Variants in CFAP45 observed in about 807,000 individuals in gnomAD.
The protein encoded by CFAP45 is cilia- and flagella-associated protein 45.
CFAP45 carries 43 observed loss-of-function variants against 75.6 expected under a neutral mutation model. That is an observed-to-expected ratio of 0.57 (90% CI 0.45 to 0.73). The LOEUF is 0.73. CFAP45 is among the 30% of genes least tolerant of loss of function. The probability of loss-of-function intolerance (pLI) is 0.00; values close to 1 mark genes in which losing one functional copy is unlikely to be tolerated. For missense variants in CFAP45, 689 were observed against 701.5 expected (o/e 0.98, Z 0.20); for synonymous variants, 223 against 244.6 (o/e 0.91, Z 0.82).
intron 10 of CFAP45, chr1:159,873,532 G>A (rs1302231863): frequency 4.0e-6 from 1 of 247,140 alleles, no homozygotes; most frequent in African/African-American, 2.2e-5. Context: ...ATGCAGTGGT[G>A]CTATCATAGC....
In CFAP45 at chr1:159,882,527, T is replaced by C. The variant is rs1370365054; in HGVS notation, c.898-1827A>G. Reference sequence around the variant, plus strand: ...AACCCCAGATAAATTCCCTTCACTCTTTCCCCCTTTGTTAGCAAGGTGGGA... The same window carrying C: ...AACCCCAGATAAATTCCCTTCACTCCTTCCCCCTTTGTTAGCAAGGTGGGA... On this transcript the variant is annotated intron_variant, in intron 7 of 11. Coordinates refer to ENST00000368099, the MANE Select transcript of CFAP45 (RefSeq NM_012337.3). 2.0e-5 allele frequency among the ~76,000 whole-genome samples: 3 copies of C among 152,268 alleles called. No homozygotes were observed. The East Asian group carries it at 5.8e-4, about 29-fold the overall frequency.
At position 159,888,471 on chromosome 1, in the gene CFAP45, C is replaced by G. The variant is rs777543850; in HGVS notation, c.298G>C (p.Glu100Gln). 6 of 1,595,772 alleles carry G rather than the reference C, an allele frequency of 3.8e-6. No homozygotes were observed. Among genetic ancestry groups the G allele is most frequent in the Non-Finnish European group, 4.3e-6 (5 of 1,164,922 alleles). ...TCCTCAGGGCTGATGATTAGGGACT[C>G]CCCGGAGGGATCCTCTGTGGGAACA... is the stretch of plus-strand genomic sequence containing the variant. ...LIVPTEDPSG[E>Q]SLIISPEEFE... The change falls in exon 4 of 12, where the codon GAG (glutamate) becomes CAG (glutamine). Residue 100 changes from glutamate to glutamine, a missense_variant. Physicochemically the swap from Glu to Gln is conservative, Grantham distance 29. Transcript: ENST00000368099.
intron 3 of CFAP45, among the ~76,000 whole-genome samples, chr1:159,889,502 C>T (rs2101849336): frequency 6.6e-6 from 1 of 152,348 alleles, no homozygotes; most frequent in East Asian, 1.9e-4. Flanking sequence ...TGGCCCTAAA[C>T]AGCCTAGGAT....
chr1:159,893,396 G>T, intron 1 of CFAP45, 91 bp from the exon 2 acceptor site: 2 of 1,272,238 alleles, frequency 1.6e-6, no homozygotes, highest in Non-Finnish European at 2.3e-6. Context: ...TGCTGGGGGA[G>T]TGGGTGGGCA....
rs758998332 is a variant in CFAP45 at position 159,888,335 on chromosome 1, T to A, written c.417+17A>T. ...GCCACCCATCTGCAGAGGTGAAGGC[T>A]TAGGGAGGTTAACTACCATGGTGGC... On this transcript the variant is annotated intron_variant, in intron 4 of 11. Transcript: ENST00000368099. The A allele has an allele frequency of 5.0e-6, 8 of 1,613,518 alleles. No individual in the cohort carries two copies. In the Admixed American group the frequency reaches 1.3e-4, roughly 27 times the overall value.
chr1:159,887,758 T>C, intron 5 of CFAP45, 83 bp downstream of exon 5: 2 of 826,208 alleles, frequency 2.4e-6, no homozygotes, highest in Non-Finnish European at 1.8e-6. Context: ...CACCAGTCCC[T>C]GGCCTTGTCC....
At chr1:159,880,931 G>A (rs1033907959) in intron 7 of CFAP45, among the ~76,000 whole-genome samples, 2 of 152,168 alleles carry the variant, frequency 1.3e-5, no homozygotes, top group Admixed American at 6.5e-5. Flanking sequence ...AGCCCCTGAT[G>A]CTATTGATCT....
chr1:159,890,710 C>T (rs958104601), intron 2 of CFAP45, 88 bp from the exon 3 acceptor site: 9 of 1,178,114 alleles, frequency 7.6e-6, no homozygotes, highest in South Asian at 2.7e-5. Flanking sequence ...CAGCGTGATG[C>T]CCTGTATCTG....
rs1254774958 is a variant in CFAP45, at chr1:159,884,580, T to G, written c.768-15A>C. 6.2e-7 allele frequency: 1 copy of G among 1,611,406 alleles called. No individual in the cohort carries two copies. The highest frequency in any genetic ancestry group is 1.3e-5 in the African/African-American group (1 of 74,958). ...GCCGCCTTCCTCTTGGAGAGAACAG[T>G]GCCACAGTGTCTTAGAAACCCCGGG... On this transcript the variant is annotated splice_polypyrimidine_tract_variant and intron_variant, in intron 6 of 11. Coordinates refer to ENST00000368099, the MANE Select transcript of CFAP45 (RefSeq NM_012337.3).
chr1:159,884,839 A>G (rs1223368701), intron 6 of CFAP45, among the ~76,000 whole-genome samples: 1 of 152,144 alleles, frequency 6.6e-6, no homozygotes, highest in East Asian at 1.9e-4. Flanking sequence ...GGGGTACCCC[A>G]CTTGATAAAA....
At chr1:159,876,933 G>C in intron 9 of CFAP45, 184 bp from the exon 10 acceptor site, 1 of 666,856 alleles carries the variant, frequency 1.5e-6, no homozygotes, top group Non-Finnish European at 2.6e-6. Context: ...CTTTGGGTTA[G>C]AAGATAACCT....
intron 1 of CFAP45, among the ~76,000 whole-genome samples, chr1:159,899,146 C>G (rs1295000761): frequency 6.6e-6 from 1 of 152,174 alleles, no homozygotes; most frequent in Non-Finnish European, 1.5e-5. Context: ...TTCATGGTTC[C>G]TCCCAGGCTT....
intron 10 of CFAP45, 147 bp downstream of exon 10, chr1:159,876,409 A>G (rs1052294354): frequency 1.9e-4 from 119 of 635,078 alleles, no homozygotes; most frequent in Non-Finnish European, 4.2e-5. Context: ...AAAAGTTTCA[A>G]TCATCCATCT....
At chr1:159,897,945 G>A (rs1373349442) in intron 1 of CFAP45, 1 of 185,504 alleles carries the variant, frequency 5.4e-6, no homozygotes, top group Non-Finnish European at 1.0e-5. Context: ...AATTCAGCAA[G>A]ACAAAGCTGG....
chr1:159,877,536 C>A, intron 8 of CFAP45, 74 bp from the exon 9 acceptor site: 3 of 1,000,970 alleles, frequency 3.0e-6, no homozygotes, highest in Non-Finnish European at 4.8e-6. Flanking sequence ...ACCCCTACAA[C>A]AGACTTTCCA....
intron 1 of CFAP45, among the ~76,000 whole-genome samples, chr1:159,895,626 A>G (rs1322757670): frequency 2.0e-5 from 3 of 152,244 alleles, no homozygotes; most frequent in Non-Finnish European, 4.4e-5. Flanking sequence ...AGCCAGCCCC[A>G]ATACTGTAGA....
At chr1:159,886,457 C>A in intron 6 of CFAP45, 54 bp downstream of exon 6, 1 of 1,490,734 alleles carries the variant, frequency 6.7e-7, no homozygotes, top group Non-Finnish European at 9.4e-7. Flanking sequence ...CTACATGGAC[C>A]TAAAGATACA....
intron 5 of CFAP45, among the ~76,000 whole-genome samples, chr1:159,887,516 A>G (rs1043476881): frequency 5.3e-5 from 8 of 152,252 alleles, no homozygotes; most frequent in East Asian, 1.9e-4. Context: ...TAATTTACCA[A>G]TCCTCAGCCC....
chr1:159,882,367 T>G (rs1303623383), intron 7 of CFAP45, among the ~76,000 whole-genome samples: 1 of 152,218 alleles, frequency 6.6e-6, no homozygotes, highest in African/African-American at 2.4e-5. Flanking sequence ...TTCTGATGTA[T>G]GACATACATA....
Sources: gnomAD v4.1 joint callset for allele counts (sites outside exome capture counted in the v4.1 genomes callset) on GRCh38, gnomAD v4.1.1 for gene constraint, MANE v1.5 for transcripts, NCBI Gene and HGNC (gene_info 2026-07-23, HGNC 2026-07-21) for gene names.